CHIA: variants seen among roughly 807,000 people sequenced by gnomAD.
CHIA encodes the protein acidic mammalian chitinase.
CHIA carries 47 observed loss-of-function variants against 53.5 expected under a neutral mutation model. The observed-to-expected ratio is 0.88, with a 90% CI of 0.70 to 1.12. CHIA has a LOEUF of 1.12. Among genes scored for constraint, CHIA ranks in the 50% most tolerant of loss-of-function variants. The pLI, the probability that CHIA is intolerant of heterozygous loss-of-function variation, is 0.00. For synonymous variants in CHIA, 268 were observed against 222.2 expected, an observed-to-expected ratio of 1.21 and a Z score of -1.83; for missense variants, 652 against 592.2, an observed-to-expected ratio of 1.10 and a Z score of -1.05.
At chr1:111,303,362 T>C (rs1310188305) in intron 1 of CHIA, among the ~76,000 whole-genome samples, 1 of 152,104 alleles carries the variant, frequency 6.6e-6, no homozygotes, top group Non-Finnish European at 1.5e-5. Flanking sequence ...TTCTTTGTGG[T>C]TAGTTGATTG....
chr1:111,302,370 T>G (rs1055861650), intron 1 of CHIA, among the ~76,000 whole-genome samples: 2 of 152,280 alleles, frequency 1.3e-5, no homozygotes, highest in East Asian at 3.8e-4. Flanking sequence ...TTTTCTTGTT[T>G]TTCAGTGTGA....
At chr1:111,315,695 G>A (rs1359610388) in intron 6 of CHIA, 3 of 539,162 alleles carry the variant, frequency 5.6e-6, no homozygotes, top group Non-Finnish European at 7.0e-6. Flanking sequence ...TTTACTCTAT[G>A]GCATACATAC....
chr1:111,291,719 T>G (rs189136497), intron 1 of CHIA, among the ~76,000 whole-genome samples: 1 of 151,646 alleles, frequency 6.6e-6, no homozygotes, highest in African/African-American at 2.4e-5. Context: ...AAAATGCAAC[T>G]GGAATTTCCA....
At chr1:111,318,816 C>T (rs144005509) in intron 9 of CHIA, 138 bp downstream of exon 9, 1 of 931,604 alleles carries the variant, frequency 1.1e-6, no homozygotes, top group Non-Finnish European at 1.6e-6. Flanking sequence ...GTTTAAATAG[C>T]ATTCATTTAC....
intron 9 of CHIA, 93 bp downstream of exon 9, chr1:111,318,771 C>T (rs1649396617): frequency 1.5e-6 from 2 of 1,369,396 alleles, no homozygotes; most frequent in Non-Finnish European, 2.0e-6. Flanking sequence ...CATTCTGTCT[C>T]CTACCTAAAT....
intron 1 of CHIA, among the ~76,000 whole-genome samples, chr1:111,301,723 A>AC (rs1206449634): frequency 1.3e-5 from 2 of 151,834 alleles, no homozygotes; most frequent in African/African-American, 4.8e-5. Flanking sequence ...AAAAAAAAAA[A>AC]AAAGATGAGT....
chr1:111,292,493 G>C (rs1041745047), intron 1 of CHIA, among the ~76,000 whole-genome samples: 1 of 152,152 alleles, frequency 6.6e-6, no homozygotes, highest in Non-Finnish European at 1.5e-5. Flanking sequence ...CTTTGTATGT[G>C]AATAAACTGG....
Position 111,299,915 on chromosome 1 carries a change from C to G in CHIA, c.-69+8965C>G, listed in dbSNP as rs189000364. 1.2e-3 allele frequency among the ~76,000 whole-genome samples: 178 copies of G among 152,288 alleles called. 3 individuals are homozygous for G. Among genetic ancestry groups the G allele is most frequent in the Non-Finnish European group, 1.3e-3 (89 of 68,012 alleles). ...ATACAAAATCAAAGTGCAAAAATCA[C>G]AAGCATTCCTATACACCAATAACAG... On this transcript the variant is annotated intron_variant, in intron 1 of 11. Coordinates refer to ENST00000369740, the MANE Select transcript of CHIA (RefSeq NM_201653.4).
At chr1:111,300,678 A>G (rs1267957370) in intron 1 of CHIA, among the ~76,000 whole-genome samples, 1 of 152,224 alleles carries the variant, frequency 6.6e-6, no homozygotes, top group Non-Finnish European at 1.5e-5. Flanking sequence ...ATGGGCAAGG[A>G]CTTCATGACT....
intron 1 of CHIA, among the ~76,000 whole-genome samples, chr1:111,306,944 G>A (rs779773380): frequency 5.3e-5 from 8 of 152,194 alleles, no homozygotes; most frequent in Admixed American, 5.2e-4. Context: ...ATTTTAGTCT[G>A]ATGATTCAGT....
chr1:111,310,642 A>G (rs1571288435), intron 2 of CHIA, 150 bp downstream of exon 2: 15 of 1,464,938 alleles, frequency 1.0e-5, no homozygotes, highest in Middle Eastern at 3.8e-4. Context: ...ATCTTGTTAT[A>G]TACAAATCAG....
chr1:111,316,576 T>G (rs1053542653), intron 6 of CHIA: 4 of 152,210 alleles, frequency 2.6e-5, no homozygotes, highest in African/African-American at 9.7e-5. Context: ...TTAACTAAGA[T>G]GGTAAATACA....
In CHIA at chr1:111,298,701, T is replaced by C. The variant is rs116366296; in HGVS notation, c.-69+7751T>C. On this transcript the variant is annotated intron_variant, in intron 1 of 11. Coordinates refer to ENST00000369740, the MANE Select transcript of CHIA (RefSeq NM_201653.4). ...AACTAGAGAAGCAAGAGAAAACGCA[T>C]TCAAAAGCTAGCAGAAGGTGAGAAA... Among the ~76,000 whole-genome samples, 727 of 152,110 alleles carry C rather than the reference T, an allele frequency of 4.8e-3. 4 individuals carry two copies. Among genetic ancestry groups the C allele is most frequent in the African/African-American group, 0.016 (677 of 41,500 alleles).
At chr1:111,302,914 C>T (rs1213325733) in intron 1 of CHIA, among the ~76,000 whole-genome samples, 2 of 151,760 alleles carry the variant, frequency 1.3e-5, no homozygotes, top group Non-Finnish European at 2.9e-5. Flanking sequence ...TCAGTTTTTG[C>T]TTCATATATT....
intron 1 of CHIA, among the ~76,000 whole-genome samples, chr1:111,295,123 T>G (rs902074300): frequency 1.5e-4 from 23 of 152,248 alleles, no homozygotes; most frequent in African/African-American, 5.3e-4. Context: ...CACTAATGTT[T>G]GGTGGATTAA....
intron 1 of CHIA, among the ~76,000 whole-genome samples, chr1:111,293,598 C>T (rs1018817643): frequency 4.6e-5 from 7 of 152,082 alleles, no homozygotes; most frequent in Non-Finnish European, 7.4e-5. Flanking sequence ...TCATGAAGTC[C>T]AATTTGTGCA....
At chr1:111,314,681 A>T (rs1217212024) in intron 5 of CHIA, 85 bp downstream of exon 5, 1 of 907,670 alleles carries the variant, frequency 1.1e-6, no homozygotes, top group Admixed American at 1.9e-5. Context: ...TAGACTTCAC[A>T]ATCTAAGACA....
At chr1:111,312,502 T>C in intron 4 of CHIA, 111 bp downstream of exon 4, 2 of 833,560 alleles carry the variant, frequency 2.4e-6, no homozygotes, top group Non-Finnish European at 3.9e-6. Context: ...GGACCAAGAC[T>C]CTGCATTTCA....
chr1:111,296,432 G>T (rs796177326), intron 1 of CHIA, among the ~76,000 whole-genome samples: 7 of 152,116 alleles, frequency 4.6e-5, no homozygotes, highest in African/African-American at 1.7e-4. Flanking sequence ...AGGCAAACAG[G>T]GTCTGGAGTG....
Sources: gnomAD v4.1 joint callset for allele counts (sites outside exome capture counted in the v4.1 genomes callset) on GRCh38, gnomAD v4.1.1 for gene constraint, MANE v1.5 for transcripts, NCBI Gene and HGNC (gene_info 2026-07-23, HGNC 2026-07-21) for gene names.